The following CLVS1 variants were observed in gnomAD, a reference collection of about 807,000 sequenced individuals.
CLVS1 encodes the protein clavesin 1, also known as clavesin-1.
Under a neutral mutation model 33.1 loss-of-function variants are expected in CLVS1, and 10 were observed. The observed-to-expected ratio is 0.30, with a 90% CI of 0.19 to 0.51. The LOEUF (loss-of-function observed/expected upper bound fraction) is 0.51, where lower values mean the gene tolerates loss of function less well. CLVS1 is among the 20% of genes least tolerant of loss of function. The pLI is 0.97. For synonymous variants in CLVS1, 163 were observed against 166.1 expected, an observed-to-expected ratio of 0.98 and a Z score of 0.14; for missense variants, 343 against 433.4, an observed-to-expected ratio of 0.79 and a Z score of 1.85.
intron 2 of CLVS1, among the ~76,000 whole-genome samples, chr8:61,138,757 C>A (rs1806242789): frequency 1.3e-5 from 2 of 152,148 alleles, no homozygotes; most frequent in Non-Finnish European, 2.9e-5. Context: ...GCTGAGTTAT[C>A]TCTGGGAGTG....
Position 61,491,080 on chromosome 8 carries a change from G to A in CLVS1, c.978-8375G>A, listed in dbSNP as rs144324244. Among the ~76,000 whole-genome samples, 58 of 152,230 alleles carry A rather than the reference G, an allele frequency of 3.8e-4. No homozygotes were observed. In the East Asian group the frequency reaches 8.5e-3, roughly 22 times the overall value. ...ACTTCTGTAATTTTGAGACTTTCTA[G>A]GCTTTTCTAGAAGGAAGTTAAAGCA... On this transcript the variant is annotated intron_variant, in intron 5 of 5. Coordinates refer to ENST00000325897, the MANE Select transcript of CLVS1 (RefSeq NM_173519.3).
the CLVS1 span, among the ~76,000 whole-genome samples, chr8:61,016,211 TA>T: frequency 6.6e-6 from 1 of 152,244 alleles, no homozygotes; most frequent in Non-Finnish European, 1.5e-5. Flanking sequence ...ATCCCCAAGA[TA>T]TCTCATTCTG....
chr8:61,286,982 T>C (rs1809795160), upstream of CLVS1, among the ~76,000 whole-genome samples: 1 of 152,226 alleles, frequency 6.6e-6, no homozygotes, highest in Admixed American at 6.5e-5. Flanking sequence ...TAAAAATTAA[T>C]GCTTTTTTAT....
chr8:61,320,191 C>A (rs565911551), intron 2 of CLVS1, among the ~76,000 whole-genome samples: 2 of 152,142 alleles, frequency 1.3e-5, no homozygotes, highest in East Asian at 3.9e-4. Flanking sequence ...TGCCTTTGAT[C>A]ACCTTGTTTC....
At chr8:61,228,860 T>G (rs1241703212) in intron 2 of CLVS1, among the ~76,000 whole-genome samples, 1 of 152,222 alleles carries the variant, frequency 6.6e-6, no homozygotes. Context: ...AGCATAAGTG[T>G]GCAGACATTT....
chr8:61,350,408 T>G (rs1812407525), intron 2 of CLVS1, among the ~76,000 whole-genome samples: 1 of 152,152 alleles, frequency 6.6e-6, no homozygotes, highest in Non-Finnish European at 1.5e-5. Flanking sequence ...CTCTTTGTAT[T>G]TGGCATTATT....
the CLVS1 span, chr8:60,966,280 G>A: frequency 4.6e-6 from 2 of 437,044 alleles, no homozygotes; most frequent in East Asian, 1.4e-4. Context: ...CAGCATGGGT[G>A]AGCTATGCAG....
At chr8:61,140,912 A>G (rs1459085725) in intron 2 of CLVS1, among the ~76,000 whole-genome samples, 1 of 152,182 alleles carries the variant, frequency 6.6e-6, no homozygotes, top group Non-Finnish European at 1.5e-5. Context: ...TAAACATGTC[A>G]GTGGTGACGT....
chr8:61,152,687 G>T (rs1230410188), intron 2 of CLVS1, among the ~76,000 whole-genome samples: 8 of 152,096 alleles, frequency 5.3e-5, no homozygotes, highest in Admixed American at 3.9e-4. Context: ...CCTCTCAAAG[G>T]CCCCACTTCT....
At chr8:61,160,643 T>C (rs16926967) in intron 2 of CLVS1, among the ~76,000 whole-genome samples, 3,984 of 152,292 alleles carry the variant, frequency 0.026, 166 homozygotes, top group African/African-American at 0.09. Flanking sequence ...CTGAGATTAA[T>C]TAGTAGCCAG....
rs1817065652 is a variant in CLVS1, at chr8:61,454,122, TTC to T, written c.631-13_631-12del. On this transcript the variant is annotated splice_polypyrimidine_tract_variant and intron_variant, in intron 3 of 5. Coordinates refer to ENST00000325897, the MANE Select transcript of CLVS1 (RefSeq NM_173519.3). Reference sequence around the variant, plus strand: ...GGTGTGCTTACTAATCGGTGTGCATTTCTCTCTTTCTGCCCCAGGACAGCTTT... The same window carrying T: ...GGTGTGCTTACTAATCGGTGTGCATTTCTCTTTCTGCCCCAGGACAGCTTT... The T allele has an allele frequency of 6.4e-7, 1 of 1,568,066 alleles. No homozygotes were observed. Among genetic ancestry groups the T allele is most frequent in the African/African-American group, 1.4e-5 (1 of 73,930 alleles).
At chr8:61,262,041 G>A (rs578083853) in intron 2 of CLVS1, among the ~76,000 whole-genome samples, 8 of 146,716 alleles carry the variant, frequency 5.5e-5, no homozygotes, top group Non-Finnish European at 1.2e-4. Flanking sequence ...TTGGAGACAG[G>A]GTCTTCTTCT....
At chr8:61,294,866 T>G (rs1484709366) in intron 1 of CLVS1, among the ~76,000 whole-genome samples, 1 of 152,198 alleles carries the variant, frequency 6.6e-6, no homozygotes, top group Non-Finnish European at 1.5e-5. Context: ...ACTCTTTGAT[T>G]CGTAAGGAAT....
intron 2 of CLVS1, among the ~76,000 whole-genome samples, chr8:61,353,066 C>G (rs1439306821): frequency 6.6e-6 from 1 of 151,950 alleles, no homozygotes; most frequent in East Asian, 1.9e-4. Context: ...ACAATACATA[C>G]AGCAAAAACT....
chr8:60,992,857 A>C, the CLVS1 span, among the ~76,000 whole-genome samples: 1 of 152,218 alleles, frequency 6.6e-6, no homozygotes, highest in African/African-American at 2.4e-5. Context: ...TTCAGAGGAA[A>C]GAGCAGCAGT....
intron 3 of CLVS1, among the ~76,000 whole-genome samples, chr8:61,393,269 T>TTA (rs1406912851): frequency 6.6e-6 from 1 of 152,182 alleles, no homozygotes; most frequent in Non-Finnish European, 1.5e-5. Flanking sequence ...CTTTTCTTTA[T>TTA]TATATATATT....
the CLVS1 span, among the ~76,000 whole-genome samples, chr8:60,980,681 A>G: frequency 6.6e-6 from 1 of 152,168 alleles, no homozygotes; most frequent in Non-Finnish European, 1.5e-5. Context: ...GCTACTGGGG[A>G]GGCTGAGGCA....
intron 2 of CLVS1, among the ~76,000 whole-genome samples, chr8:61,205,671 T>C (rs1201020704): frequency 6.6e-6 from 1 of 152,188 alleles, no homozygotes; most frequent in Non-Finnish European, 1.5e-5. Context: ...TTTAATTTTT[T>C]GAGCAACCAC....
intron 5 of CLVS1, among the ~76,000 whole-genome samples, chr8:61,468,717 A>T (rs1254160111): frequency 7.8e-5 from 1 of 12,750 alleles, no homozygotes. Context: ...TAAAAGTACT[A>T]AAAAAAAAAA....
Sources: gnomAD v4.1 joint callset for allele counts (sites outside exome capture counted in the v4.1 genomes callset) on GRCh38, gnomAD v4.1.1 for gene constraint, MANE v1.5 for transcripts, NCBI Gene and HGNC (gene_info 2026-07-23, HGNC 2026-07-21) for gene names.